Variants in HECW2 observed in about 807,000 individuals in gnomAD.
HECW2 encodes the protein E3 ubiquitin-protein ligase HECW2.
In HECW2, 61 loss-of-function variants were observed where a neutral mutation model predicts 175.2. The ratio of observed to expected loss-of-function variants is 0.35; its 90% CI spans 0.28 to 0.43. The LOEUF is 0.43. HECW2 is among the 20% of genes least tolerant of loss of function. The pLI is 1.00. For synonymous variants in HECW2, 671 were observed against 731.0 expected, an observed-to-expected ratio of 0.92 and a Z score of 1.32; for missense variants, 1,524 against 2,000.5, an observed-to-expected ratio of 0.76 and a Z score of 4.54.
chr2:196,324,961 C>G lies in HECW2; in HGVS notation c.741+19G>C. 1 of 1,539,478 alleles carries G rather than the reference C, an allele frequency of 6.5e-7. No homozygotes were observed. Among genetic ancestry groups the G allele is most frequent in the Non-Finnish European group, 8.7e-7 (1 of 1,146,856 alleles). On this transcript the variant is annotated intron_variant, in intron 6 of 28. Transcript: ENST00000644978. Reference sequence around the variant, plus strand: ...GACTTCCTCACCATCAAGTAGGAGACCCCCGAGGATCATCTTACCTCTCGG... The same window carrying G: ...GACTTCCTCACCATCAAGTAGGAGAGCCCCGAGGATCATCTTACCTCTCGG...
intron 2 of HECW2, among the ~76,000 whole-genome samples, chr2:196,408,279 T>C (rs756690285): frequency 2.8e-4 from 42 of 152,176 alleles, no homozygotes; most frequent in Admixed American, 9.8e-4. Context: ...TGGAAAAACA[T>C]TGAATGAGGT....
In HECW2 at chr2:196,306,603, C is replaced by T. The variant is rs774430051; in HGVS notation, c.2699G>A (p.Arg900Gln). 15 of 1,611,180 alleles carry T rather than the reference C, an allele frequency of 9.3e-6. No individual in the cohort carries two copies. In the East Asian group the frequency reaches 1.3e-4, roughly 14 times the overall value. The change falls in exon 13 of 29, where the codon CGG becomes CAG. Residue 900 changes from arginine to glutamine, a missense_variant. By Grantham distance (43) the Arg-to-Gln change is conservative (BLOSUM62 1). This residue lies in a region of HECW2 where 105 missense variants were observed against 98.1 expected (regional missense o/e 1.07). Coordinates refer to ENST00000644978, the MANE Select transcript of HECW2 (RefSeq NM_001348768.2). ...GGTAGAGTGAGGCAGGATGTTCTCC[C>T]GTCGGAAATCTAGATGGGGCAGACC... is the stretch of plus-strand genomic sequence containing the variant. ...DFHQASADFR[R>Q]ENILPHSTSR...
intron 24 of HECW2, 75 bp downstream of exon 24, chr2:196,222,136 C>A: frequency 7.5e-7 from 1 of 1,336,602 alleles, no homozygotes; most frequent in African/African-American, 1.5e-5. Flanking sequence ...CTGATCTTAG[C>A]CATGGAGTTA....
intron 2 of HECW2, among the ~76,000 whole-genome samples, chr2:196,351,217 T>C (rs1320884279): frequency 6.6e-6 from 1 of 152,112 alleles, no homozygotes; most frequent in African/African-American, 2.4e-5. Flanking sequence ...CAAGCTAAAA[T>C]AATTTAAACA....
chr2:196,429,919 A>G lies in HECW2; in HGVS notation c.292+3213T>C, dbSNP rs1004836833. Among the ~76,000 whole-genome samples the G allele has an allele frequency of 4.6e-5, 7 of 152,198 alleles. No individual in the cohort carries two copies. In the South Asian group the frequency reaches 6.2e-4, roughly 14 times the overall value. On this transcript the variant is annotated intron_variant, in intron 2 of 28. Coordinates refer to ENST00000644978, the MANE Select transcript of HECW2 (RefSeq NM_001348768.2). The stretch of plus-strand genomic sequence containing the variant: ...GGGTGCACATGCTCAGAAAGAAATG[A>G]CCAAGGCTTTATAGAGAGCAGCTTT...
intron 2 of HECW2, among the ~76,000 whole-genome samples, chr2:196,374,805 G>C (rs1323958002): frequency 2.7e-5 from 4 of 150,544 alleles, no homozygotes; most frequent in Non-Finnish European, 5.9e-5. Flanking sequence ...ACAAAGCATA[G>C]ACGTGGGATA....
At chr2:196,245,921 C>G (rs1688626850) in intron 19 of HECW2, among the ~76,000 whole-genome samples, 1 of 152,150 alleles carries the variant, frequency 6.6e-6, no homozygotes, top group Non-Finnish European at 1.5e-5. Context: ...TGCATTACAA[C>G]AAAATGTGTA....
chr2:196,288,303 T>C (rs1690470831), intron 14 of HECW2: 1 of 152,152 alleles, frequency 6.6e-6, no homozygotes, highest in African/African-American at 2.4e-5. Context: ...ATTCCACTGA[T>C]ACAGCAAGAG....
chr2:196,583,550 C>T (rs989691780), intron 1 of HECW2, among the ~76,000 whole-genome samples: 1 of 152,130 alleles, frequency 6.6e-6, no homozygotes, highest in African/African-American at 2.4e-5. Context: ...GACTGTGGAC[C>T]ACACTTTGAA....
chr2:196,382,547 A>T (rs1320144172), intron 2 of HECW2, among the ~76,000 whole-genome samples: 3 of 152,140 alleles, frequency 2.0e-5, no homozygotes, highest in Non-Finnish European at 2.9e-5. Flanking sequence ...CAGATTTTGT[A>T]AATCTCTAGT....
intron 1 of HECW2, among the ~76,000 whole-genome samples, chr2:196,499,308 TAAA>T (rs113064018): frequency 2.2e-5 from 3 of 134,542 alleles, no homozygotes; most frequent in Admixed American, 7.5e-5. Flanking sequence ...ACAAACTTCT[TAAA>T]AAAAAAAAAA....
chr2:196,343,850 G>A (rs1692852841), intron 2 of HECW2, 86 bp from the exon 3 acceptor site: 7 of 857,254 alleles, frequency 8.2e-6, no homozygotes, highest in Admixed American at 4.1e-5. Context: ...TAAAATAAAT[G>A]GAAAAAAGAT....
At chr2:196,583,584 G>A (rs969801180) in intron 1 of HECW2, among the ~76,000 whole-genome samples, 9 of 152,276 alleles carry the variant, frequency 5.9e-5, no homozygotes, top group East Asian at 5.8e-4. Context: ...GAAGACTTAC[G>A]AAGGAAGAAA....
At chr2:196,311,148 A>C (rs574951007) in intron 10 of HECW2, among the ~76,000 whole-genome samples, 13 of 152,306 alleles carry the variant, frequency 8.5e-5, no homozygotes, top group African/African-American at 3.1e-4. Flanking sequence ...GTTCCACATA[A>C]TATTTCATTT....
At chr2:196,402,191 ACT>A (rs1694838567) in intron 2 of HECW2, among the ~76,000 whole-genome samples, 2 of 99,694 alleles carry the variant, frequency 2.0e-5, no homozygotes, top group South Asian at 3.9e-4. Flanking sequence ...ACAGAGTGAG[ACT>A]CTGTCTCAAA....
intron 2 of HECW2, among the ~76,000 whole-genome samples, chr2:196,373,078 T>C (rs1198784686): frequency 1.3e-5 from 2 of 152,204 alleles, no homozygotes; most frequent in Non-Finnish European, 2.9e-5. Context: ...AGTGTTGTTA[T>C]TCTTAACAAG....
At position 196,566,534 on chromosome 2, in the gene HECW2, C is replaced by CTT. The variant is rs397942390; in HGVS notation, c.-36+26972_-36+26973dup. The stretch of plus-strand genomic sequence containing the variant: ...TACCAGAAACTATACTTTTCTTTTT[C>CTT]TTTTTTTTTTTTTTGAAATGGAATC... On this transcript the variant is annotated intron_variant, in intron 1 of 28. Transcript: ENST00000644978. 8.0e-3 allele frequency among the ~76,000 whole-genome samples: 1,120 copies of CTT among 139,528 alleles called. 17 individuals carry two copies. The highest frequency in any genetic ancestry group is 0.027 in the African/African-American group (1,027 of 37,930). 91.5% of individuals were successfully genotyped at this position (139,528 alleles called of 152,430 possible).
chr2:196,216,927 A>G, intron 27 of HECW2, 81 bp downstream of exon 27: 1 of 927,080 alleles, frequency 1.1e-6, no homozygotes, highest in Non-Finnish European at 1.6e-6. Flanking sequence ...TTTATGGAGA[A>G]TAGTTAGCAG....
At chr2:196,531,815 T>C (rs1409056620) in intron 1 of HECW2, among the ~76,000 whole-genome samples, 2 of 152,214 alleles carry the variant, frequency 1.3e-5, no homozygotes, top group African/African-American at 4.8e-5. Context: ...TATTTAAAAA[T>C]TGTCTTCTTA....
Sources: allele counts gnomAD v4.1 joint callset (sites outside exome capture counted in the v4.1 genomes callset), GRCh38; gene constraint gnomAD v4.1.1; regional missense constraint gnomAD v4.1.1; transcripts MANE v1.5; gene names NCBI Gene and HGNC (gene_info 2026-07-23, HGNC 2026-07-21).